LRBA: variants seen among roughly 807,000 people sequenced by gnomAD.
LRBA encodes LPS responsive beige-like anchor protein.
A neutral mutation model predicts 330.0 loss-of-function variants in LRBA; 176 were observed. That is an observed-to-expected ratio of 0.53 (90% CI 0.47 to 0.60). The LOEUF (loss-of-function observed/expected upper bound fraction) is 0.60. Among genes scored for constraint, LRBA ranks in the 20% least tolerant of loss-of-function variants. The probability of loss-of-function intolerance (pLI) is 0.00; values close to 1 mark genes in which losing one functional copy is unlikely to be tolerated. For synonymous variants in LRBA, 1,230 were observed against 1,193.0 expected (o/e 1.03, Z -0.64); for missense variants, 3,259 against 3,444.8 (o/e 0.95, Z 1.35).
intron 4 of LRBA, among the ~76,000 whole-genome samples, chr4:150,922,298 T>C (rs553311310): frequency 7.2e-5 from 11 of 151,852 alleles, no homozygotes; most frequent in African/African-American, 2.2e-4. Context: ...AAAAAGATAC[T>C]TGCACATGCA....
chr4:150,757,296 C>T (rs908673899), intron 35 of LRBA, among the ~76,000 whole-genome samples: 53 of 152,270 alleles, frequency 3.5e-4, no homozygotes, highest in African/African-American at 1.2e-3. Flanking sequence ...AACATCTCAT[C>T]GAGCAGCTGC....
intron 40 of LRBA, among the ~76,000 whole-genome samples, chr4:150,578,020 T>C (rs760281164): frequency 1.3e-5 from 2 of 152,300 alleles, no homozygotes; most frequent in East Asian, 1.9e-4. Context: ...CAGGAATGTA[T>C]AAAAATGACA....
intron 47 of LRBA, among the ~76,000 whole-genome samples, chr4:150,402,461 A>C (rs1026033862): frequency 5.3e-5 from 8 of 152,160 alleles, no homozygotes; most frequent in African/African-American, 1.9e-4. Flanking sequence ...TAGAAATTCT[A>C]AGTGCCACAG....
At chr4:150,905,762 C>A in intron 13 of LRBA, 76 bp downstream of exon 13, 6 of 1,285,860 alleles carry the variant, frequency 4.7e-6, no homozygotes, top group South Asian at 3.3e-5. Flanking sequence ...AAAGAAAATC[C>A]TCTTAATTAT....
chr4:150,872,973 G>C (rs1008614367), intron 17 of LRBA, among the ~76,000 whole-genome samples: 8 of 152,056 alleles, frequency 5.3e-5, no homozygotes, highest in African/African-American at 1.9e-4. Context: ...AAGAAATGAG[G>C]TGACTTTTCC....
chr4:150,530,269 A>G (rs998990210), intron 40 of LRBA, among the ~76,000 whole-genome samples: 4 of 151,276 alleles, frequency 2.6e-5, no homozygotes, highest in South Asian at 4.2e-4. Context: ...AAGTATAGAG[A>G]AAAAAAAAGT....
At chr4:150,855,596 G>C (rs1053412974) in intron 22 of LRBA, among the ~76,000 whole-genome samples, 11 of 152,124 alleles carry the variant, frequency 7.2e-5, no homozygotes, top group African/African-American at 2.4e-4. Context: ...ATGTCAAGAA[G>C]TAAAACGTTA....
chr4:150,325,223 T>C (rs1241709975), intron 49 of LRBA, among the ~76,000 whole-genome samples: 1 of 152,002 alleles, frequency 6.6e-6, no homozygotes, highest in Non-Finnish European at 1.5e-5. Context: ...CCCCAAGCAG[T>C]GTGTGAGTGA....
rs775904309 is a variant in LRBA at position 150,724,903 on chromosome 4, TAC to T, written c.5754+10353_5754+10354del. 6.5e-3 allele frequency among the ~76,000 whole-genome samples: 944 copies of T among 145,454 alleles called. 6 individuals carry two copies. Among genetic ancestry groups the T allele is most frequent in the African/African-American group, 0.016 (642 of 39,584 alleles). Reference sequence around the variant, plus strand: ...ATATACATATATATATGTATATATATACACACACACACACACACATACATATA... The same window carrying T: ...ATATACATATATATATGTATATATATACACACACACACACACATACATATA... On this transcript the variant is annotated intron_variant, in intron 36 of 56. Transcript: ENST00000651943.
chr4:150,985,715 G>A (rs1186756441), intron 2 of LRBA, among the ~76,000 whole-genome samples: 1 of 152,078 alleles, frequency 6.6e-6, no homozygotes, highest in Non-Finnish European at 1.5e-5. Flanking sequence ...AGCCAGGATA[G>A]TCTTGATCTC....
intron 40 of LRBA, chr4:150,579,103 G>C (rs1770889495): frequency 8.1e-6 from 3 of 372,080 alleles, no homozygotes; most frequent in Non-Finnish European, 1.6e-5. Flanking sequence ...TTAGCCTCTA[G>C]AGTTTCTTTC....
intron 47 of LRBA, among the ~76,000 whole-genome samples, chr4:150,414,484 A>G (rs141808854): frequency 6.6e-6 from 1 of 151,952 alleles, no homozygotes; most frequent in East Asian, 1.9e-4. Context: ...TTATTTTTTA[A>G]ATTTATTTTA....
At chr4:150,529,176 C>T (rs1763797123) in intron 40 of LRBA, among the ~76,000 whole-genome samples, 1 of 152,112 alleles carries the variant, frequency 6.6e-6, no homozygotes, top group Admixed American at 6.6e-5. Context: ...ACCAGTTTCC[C>T]AAATAACTGG....
intron 42 of LRBA, among the ~76,000 whole-genome samples, chr4:150,479,884 C>G (rs1160860560): frequency 6.6e-6 from 1 of 152,144 alleles, no homozygotes; most frequent in East Asian, 1.9e-4. Flanking sequence ...CCTTTGACAG[C>G]CATCCAGCCA....
chr4:150,912,727 T>C (rs561614582), intron 9 of LRBA, among the ~76,000 whole-genome samples: 205 of 152,284 alleles, frequency 1.3e-3, no homozygotes, highest in Non-Finnish European at 2.1e-3. Context: ...TTTTATCATT[T>C]CCTTCTATCT....
At chr4:150,986,816 C>G (rs2149616394) in intron 2 of LRBA, among the ~76,000 whole-genome samples, 1 of 152,094 alleles carries the variant, frequency 6.6e-6, no homozygotes, top group East Asian at 1.9e-4. Flanking sequence ...CAAGGAAAAG[C>G]AACAGCCCAA....
chr4:150,758,260 G>A (rs1214589968), intron 35 of LRBA, among the ~76,000 whole-genome samples: 11 of 152,168 alleles, frequency 7.2e-5, no homozygotes, highest in Admixed American at 2.0e-4. Context: ...GACAGTAAAC[G>A]ATCCTGCTTT....
chr4:150,359,420 A>G (rs1042649200), intron 47 of LRBA, among the ~76,000 whole-genome samples: 1 of 152,182 alleles, frequency 6.6e-6, no homozygotes, highest in Non-Finnish European at 1.5e-5. Flanking sequence ...CGGAGTGAAG[A>G]GGGGACAGAG....
chr4:150,867,486 A>T (rs1407954052), intron 22 of LRBA, among the ~76,000 whole-genome samples, 185 bp downstream of exon 22: 1 of 152,198 alleles, frequency 6.6e-6, no homozygotes, highest in African/African-American at 2.4e-5. Context: ...AATTATTTTG[A>T]TTCTAAAGAA....
Sources: allele counts gnomAD v4.1 joint callset (sites outside exome capture counted in the v4.1 genomes callset), GRCh38; gene constraint gnomAD v4.1.1; transcripts MANE v1.5; gene names NCBI Gene and HGNC (gene_info 2026-07-23, HGNC 2026-07-21).